Variants in ANKRD12 observed in about 807,000 individuals in gnomAD.
ANKRD12 encodes ankyrin repeat domain 12.
In ANKRD12, 85 loss-of-function variants were observed where a neutral mutation model predicts 183.4. That is an observed-to-expected ratio of 0.46 (90% CI 0.39 to 0.56). ANKRD12 has a LOEUF of 0.56. Ranked by LOEUF, ANKRD12 falls within the 20% of genes least tolerant of loss-of-function variation. The pLI, the probability that ANKRD12 is intolerant of heterozygous loss-of-function variation, is 0.00. For synonymous variants in ANKRD12, 914 were observed against 800.2 expected (o/e 1.14, Z -2.40); for missense variants, 2,405 against 2,357.1 (o/e 1.02, Z -0.42).
At chr18:9,230,518 T>C (rs76782134) in intron 8 of ANKRD12, among the ~76,000 whole-genome samples, 2,169 of 152,212 alleles carry the variant, frequency 0.014, 52 homozygotes, top group African/African-American at 0.05. Flanking sequence ...TTGTTTTTGC[T>C]TTTTTTAGTA....
At chr18:9,205,278 T>A (rs543556439) in intron 4 of ANKRD12, among the ~76,000 whole-genome samples, 3 of 151,366 alleles carry the variant, frequency 2.0e-5, no homozygotes, top group South Asian at 4.2e-4. Context: ...TGTCTTTTTT[T>A]AAATTGGCTA....
chr18:9,275,507 ATTC>A lies in ANKRD12; in HGVS notation c.5764-14_5764-12del. 6.3e-7 allele frequency: 1 copy of A among 1,589,878 alleles called. No individual in the cohort carries two copies. Among genetic ancestry groups the A allele is most frequent in the Non-Finnish European group, 8.6e-7 (1 of 1,165,722 alleles). On this transcript the variant is annotated splice_polypyrimidine_tract_variant and intron_variant, in intron 10 of 12. Coordinates refer to ENST00000262126, the MANE Select transcript of ANKRD12 (RefSeq NM_015208.5). The stretch of plus-strand genomic sequence containing the variant: ...TTGTTGAAGAATTTATTTTTTTTTA[ATTC>A]TTTATTCAACTAGGAAAAACTCATT...
rs1275273567 is a variant in ANKRD12 at position 9,256,147 on chromosome 18, A to G, written c.2880A>G (p.Lys960=). 2 of 1,558,714 alleles carry G rather than the reference A, an allele frequency of 1.3e-6. No homozygotes were observed. Among genetic ancestry groups the G allele is most frequent in the African/African-American group, 2.8e-5 (2 of 71,658 alleles). ...KNKEKDRELD[K]KEKSRDKESI... ...AAGAAAAAGACAGGGAGCTAGATAA[A>G]AAGGAAAAATCTAGAGATAAAGAAA... The change falls in exon 9 of 13, where the codon AAA becomes AAG. Residue 960 remains lysine, a synonymous_variant. Coordinates refer to ENST00000262126, the MANE Select transcript of ANKRD12 (RefSeq NM_015208.5).
intron 10 of ANKRD12, among the ~76,000 whole-genome samples, chr18:9,267,721 C>T (rs1485630358): frequency 6.6e-6 from 1 of 151,994 alleles, no homozygotes; most frequent in Non-Finnish European, 1.5e-5. Flanking sequence ...ACTAGAGAAG[C>T]AAGAGCAAAC....
intron 8 of ANKRD12, among the ~76,000 whole-genome samples, chr18:9,226,510 T>C (rs894755): frequency 0.59 from 89,090 of 151,940 alleles, 26,669 homozygotes; most frequent in South Asian, 0.75. Context: ...CCACTGATCA[T>C]TTTATACCCA....
Position 9,228,005 on chromosome 18 carries a change from A to C in ANKRD12, c.943+6006A>C, listed in dbSNP as rs541659885. ...ATCTGTCATTCTAGTCTCTATGTCC[A>C]TGAGATTTAAGTTTCTTAGCTTCCA... On this transcript the variant is annotated intron_variant, in intron 8 of 12. Coordinates refer to ENST00000262126, the MANE Select transcript of ANKRD12 (RefSeq NM_015208.5). 4.1e-4 allele frequency among the ~76,000 whole-genome samples: 62 copies of C among 152,178 alleles called. No individual in the cohort carries two copies. In the South Asian group the frequency reaches 9.5e-3, roughly 23 times the overall value.
chr18:9,144,298 T>G lies in ANKRD12; in HGVS notation c.-52+7333T>G, dbSNP rs76899225. 1.7e-3 allele frequency among the ~76,000 whole-genome samples: 259 copies of G among 152,344 alleles called. 7 individuals carry two copies. In the East Asian group the frequency reaches 0.044, roughly 26 times the overall value. ...TCTCCAACCTCCTTTTGCATAATCT[T>G]TATATATTAGTGATTATTAATCTTC... On this transcript the variant is annotated intron_variant, in intron 1 of 12. Transcript: ENST00000262126.
intron 8 of ANKRD12, chr18:9,235,530 TAAAGAG>T (rs1030586879): frequency 3.1e-4 from 111 of 355,754 alleles, no homozygotes; most frequent in African/African-American, 2.2e-3. Context: ...TAACACCACA[TAAAGAG>T]AAAAAGAATA....
intron 3 of ANKRD12, among the ~76,000 whole-genome samples, chr18:9,196,295 C>T (rs1735819569): frequency 6.6e-6 from 1 of 150,950 alleles, no homozygotes; most frequent in African/African-American, 2.4e-5. Context: ...GAAATTGATA[C>T]TTGAAATCAG....
chr18:9,178,644 T>C (rs1463581403), intron 1 of ANKRD12, among the ~76,000 whole-genome samples: 1 of 152,182 alleles, frequency 6.6e-6, no homozygotes, highest in Non-Finnish European at 1.5e-5. Flanking sequence ...CATTTTCATA[T>C]ACATTATAGA....
intron 2 of ANKRD12, among the ~76,000 whole-genome samples, chr18:9,191,230 T>G (rs923978918): frequency 2.8e-4 from 43 of 152,256 alleles, no homozygotes; most frequent in African/African-American, 1.0e-3. Context: ...GGGCCTAGGA[T>G]GTGCTAATGA....
chr18:9,190,610 G>T (rs2034392298), intron 2 of ANKRD12, among the ~76,000 whole-genome samples: 1 of 152,140 alleles, frequency 6.6e-6, no homozygotes, highest in Admixed American at 6.5e-5. Context: ...AAACTTCATT[G>T]TTGTCTTAAG....
chr18:9,236,382 G>C (rs1308650874), intron 8 of ANKRD12, among the ~76,000 whole-genome samples: 8 of 148,218 alleles, frequency 5.4e-5, no homozygotes, highest in African/African-American at 9.9e-5. Flanking sequence ...ACCCACCTAA[G>C]TGAAACTATT....
intron 1 of ANKRD12, among the ~76,000 whole-genome samples, chr18:9,147,618 A>G (rs757542010): frequency 6.6e-4 from 101 of 152,188 alleles, no homozygotes; most frequent in Non-Finnish European, 7.6e-4. Flanking sequence ...AGTCTGTTGC[A>G]CATCGTATAT....
intron 3 of ANKRD12, among the ~76,000 whole-genome samples, chr18:9,199,132 G>A (rs1400282869): frequency 2.0e-5 from 3 of 151,896 alleles, no homozygotes; most frequent in African/African-American, 7.3e-5. Flanking sequence ...ATATCTATAA[G>A]AAAATTAAAA....
chr18:9,244,060 G>A (rs895113387), intron 8 of ANKRD12, among the ~76,000 whole-genome samples: 2 of 152,200 alleles, frequency 1.3e-5, no homozygotes, highest in Non-Finnish European at 2.9e-5. Flanking sequence ...CTGGAACCTG[G>A]GAGGCGGAGG....
chr18:9,251,475 T>G (rs916106964), intron 8 of ANKRD12, among the ~76,000 whole-genome samples: 3 of 152,192 alleles, frequency 2.0e-5, no homozygotes, highest in African/African-American at 7.2e-5. Context: ...AATAATAAGA[T>G]GGAGCTTAAT....
rs559070375 is a variant in ANKRD12, at chr18:9,227,682, T to C, written c.943+5683T>C. Among the ~76,000 whole-genome samples the C allele has an allele frequency of 4.3e-4, 65 of 152,318 alleles. 1 individual carries two copies. In the South Asian group the frequency reaches 9.7e-3, roughly 23 times the overall value. On this transcript the variant is annotated intron_variant, in intron 8 of 12. Transcript: ENST00000262126. ...TTATTATGATGATTTTCCCCTTTTT[T>C]CACTATATAATCATTTGCATATTTA...
chr18:9,269,026 TCAAA>T (rs1415526849), intron 10 of ANKRD12, among the ~76,000 whole-genome samples: 11 of 152,054 alleles, frequency 7.2e-5, no homozygotes, highest in Non-Finnish European at 1.0e-4. Context: ...CACAATTGCT[TCAAA>T]GAGAATAAAA....
Sources: gnomAD v4.1 joint callset for allele counts (sites outside exome capture counted in the v4.1 genomes callset) on GRCh38, gnomAD v4.1.1 for gene constraint, MANE v1.5 for transcripts, NCBI Gene and HGNC (gene_info 2026-07-23, HGNC 2026-07-21) for gene names.